EZH2: variants seen among roughly 807,000 people sequenced by gnomAD.
EZH2 encodes histone-lysine N-methyltransferase EZH2.
Under a neutral mutation model 98.4 loss-of-function variants are expected in EZH2, and 18 were observed. The observed-to-expected ratio is 0.18, with a 90% confidence interval of 0.13 to 0.27. The LOEUF is 0.27. EZH2 is among the 10% of genes least tolerant of loss of function. The pLI, the probability that EZH2 is intolerant of heterozygous loss-of-function variation, is 1.00. For synonymous variants in EZH2, 338 were observed against 312.3 expected, an observed-to-expected ratio of 1.08 and a Z score of -0.87; for missense variants, 470 against 935.1, an observed-to-expected ratio of 0.50 and a Z score of 6.49.
At chr7:148,881,043 A>G (rs999938188) in intron 1 of EZH2, among the ~76,000 whole-genome samples, 1 of 152,186 alleles carries the variant, frequency 6.6e-6, no homozygotes, top group Non-Finnish European at 1.5e-5. Flanking sequence ...AATTTAATGA[A>G]TTGCTGCTGT....
At chr7:148,859,259 A>C (rs922566357) in intron 1 of EZH2, among the ~76,000 whole-genome samples, 2 of 152,174 alleles carry the variant, frequency 1.3e-5, no homozygotes, top group Non-Finnish European at 2.9e-5. Context: ...TGATCCCAGC[A>C]CTTTGGGAGG....
rs1045672218 is a variant in EZH2 at position 148,832,511 on chromosome 7, T to C, written c.363+123A>G. 7 of 593,584 alleles carry C rather than the reference T, an allele frequency of 1.2e-5. No homozygotes were observed. In the African/African-American group the frequency reaches 1.3e-4, roughly 11 times the overall value. The allele number at this position is 593,584 out of a possible 1,614,324, so 36.8% of individuals were successfully genotyped here. A position where few individuals can be genotyped will look rare whatever the true frequency, so the allele number is the denominator to read the frequency against. ...ATCAATTTTTAAAAATTACTTCAAGTGTTATTTTGATAGCTTTTTAGAATT... is the reference window on the plus strand; with the variant it reads ...ATCAATTTTTAAAAATTACTTCAAGCGTTATTTTGATAGCTTTTTAGAATT... On this transcript the variant is annotated intron_variant, in intron 4 of 19. Coordinates refer to ENST00000320356, the MANE Select transcript of EZH2 (RefSeq NM_004456.5).
intron 1 of EZH2, among the ~76,000 whole-genome samples, chr7:148,849,546 C>T (rs1815128069): frequency 6.6e-6 from 1 of 152,122 alleles, no homozygotes; most frequent in Non-Finnish European, 1.5e-5. Flanking sequence ...TGAAAAGTTT[C>T]CAAGTGTGGC....
chr7:148,881,956 A>T (rs1821032768), intron 1 of EZH2, among the ~76,000 whole-genome samples: 1 of 80,708 alleles, frequency 1.2e-5, no homozygotes. Context: ...ACATATACAC[A>T]CACACACACG....
At chr7:148,844,417 G>A (rs61327560) in intron 3 of EZH2, among the ~76,000 whole-genome samples, 2,894 of 152,180 alleles carry the variant, frequency 0.019, 109 homozygotes, top group African/African-American at 0.066. Context: ...TTAAAAAGGC[G>A]GAAAGGGGAA....
At chr7:148,855,554 G>A (rs549870032) in intron 1 of EZH2, among the ~76,000 whole-genome samples, 12 of 152,140 alleles carry the variant, frequency 7.9e-5, no homozygotes, top group South Asian at 2.1e-4. Flanking sequence ...ATTTATTTAC[G>A]GTGCATAGAC....
chr7:148,809,676 AATC>A (rs945792449), intron 17 of EZH2, among the ~76,000 whole-genome samples: 25 of 152,188 alleles, frequency 1.6e-4, no homozygotes, highest in Non-Finnish European at 2.2e-4. Context: ...AAAAAAAAAA[AATC>A]TGACAAAATT....
intron 3 of EZH2, among the ~76,000 whole-genome samples, chr7:148,841,332 AT>A (rs1357497482): frequency 1.3e-5 from 2 of 152,142 alleles, no homozygotes; most frequent in African/African-American, 4.8e-5. Context: ...GGCTGCATGG[AT>A]TTACAAGTTA....
Position 148,882,087 on chromosome 7 carries a change from T to A in EZH2, c.-8+2077A>T, listed in dbSNP as rs534982703. 7.9e-5 allele frequency among the ~76,000 whole-genome samples: 12 copies of A among 152,296 alleles called. No individual in the cohort carries two copies. In the East Asian group the frequency reaches 2.3e-3, roughly 29 times the overall value. Reference sequence around the variant, plus strand: ...GGACAAGATTATTAATAGGATTTTTTAAATACAGAATTAATAGTAACTAAT... The same window carrying A: ...GGACAAGATTATTAATAGGATTTTTAAAATACAGAATTAATAGTAACTAAT... On this transcript the variant is annotated intron_variant, in intron 1 of 19. Transcript: ENST00000320356.
intron 1 of EZH2, among the ~76,000 whole-genome samples, chr7:148,848,371 T>G (rs1043847989): frequency 1.3e-5 from 2 of 151,630 alleles, no homozygotes; most frequent in African/African-American, 4.8e-5. Context: ...AATTCAAGAG[T>G]TGCTTAGGCC....
chr7:148,869,568 G>A (rs192982951), intron 1 of EZH2, among the ~76,000 whole-genome samples: 4 of 152,068 alleles, frequency 2.6e-5, no homozygotes, highest in African/African-American at 9.6e-5. Context: ...GAACTCCTGG[G>A]CTCAAGCAAT....
Position 148,807,504 on chromosome 7 carries a change from C to G in EZH2, c.*142G>C, listed in dbSNP as rs537734267. 142 of 690,010 alleles carry G rather than the reference C, an allele frequency of 2.1e-4. 1 individual carries two copies. The highest frequency in any genetic ancestry group is 8.6e-4 in the Admixed American group (33 of 38,564). The allele number at this position is 690,010 out of a possible 1,614,324, so 42.7% of individuals were successfully genotyped here. A position where few individuals can be genotyped will look rare whatever the true frequency, so the allele number is the denominator to read the frequency against. ...AGGCAATAAAAAGTTGATTTTTAAA[C>G]TCATTACTATAAATTATTCTTACAG... On this transcript the variant is annotated 3_prime_UTR_variant, in exon 20 of 20. Transcript: ENST00000320356.
Position 148,841,188 on chromosome 7 carries a change from T to C in EZH2, c.246+5282A>G, listed in dbSNP as rs1463704774. 1.3e-5 allele frequency among the ~76,000 whole-genome samples: 2 copies of C among 152,204 alleles called. 1 individual carries two copies. The highest frequency in any genetic ancestry group is 4.8e-5 in the African/African-American group (2 of 41,558). Reference sequence around the variant, plus strand: ...TCAAATATCACAAATGACCTTTTTTTTTTAAGCTAACCCTTTGGAAAAGCA... The same window carrying C: ...TCAAATATCACAAATGACCTTTTTTCTTTAAGCTAACCCTTTGGAAAAGCA... On this transcript the variant is annotated intron_variant, in intron 3 of 19. Coordinates refer to ENST00000320356, the MANE Select transcript of EZH2 (RefSeq NM_004456.5).
intron 4 of EZH2, among the ~76,000 whole-genome samples, chr7:148,830,391 G>C (rs1350764274): frequency 6.6e-6 from 1 of 151,914 alleles, no homozygotes; most frequent in Admixed American, 6.6e-5. Flanking sequence ...GGTGTATCAA[G>C]ATCAACTATA....
chr7:148,830,328 C>A (rs1376809330), intron 4 of EZH2, among the ~76,000 whole-genome samples: 1 of 152,118 alleles, frequency 6.6e-6, no homozygotes, highest in Non-Finnish European at 1.5e-5. Flanking sequence ...CCATGCCCAG[C>A]CATCATCAGT....
At chr7:148,833,120 T>C (rs75288315) in intron 3 of EZH2, among the ~76,000 whole-genome samples, 16,479 of 152,250 alleles carry the variant, frequency 0.11, 1,106 homozygotes, top group Non-Finnish European at 0.15. Flanking sequence ...CACAGAATAG[T>C]AATATGTATA....
chr7:148,854,802 G>A (rs990998596), intron 1 of EZH2, among the ~76,000 whole-genome samples: 1 of 152,170 alleles, frequency 6.6e-6, no homozygotes, highest in South Asian at 2.1e-4. Context: ...GCAGCTGTTA[G>A]TATCATTTGG....
intron 7 of EZH2, 64 bp downstream of exon 7, chr7:148,827,100 T>G: frequency 7.8e-7 from 1 of 1,289,166 alleles, no homozygotes. Flanking sequence ...CCATTTGTAA[T>G]AAACCAAAAT....
intron 14 of EZH2, 149 bp downstream of exon 14, chr7:148,814,765 G>A (rs1343060084): frequency 1.0e-6 from 1 of 965,180 alleles, no homozygotes; most frequent in Non-Finnish European, 1.5e-6. Flanking sequence ...ACAGGGCCAG[G>A]TATGGGGCTC....
Sources: gnomAD v4.1 joint callset for allele counts (sites outside exome capture counted in the v4.1 genomes callset) on GRCh38, gnomAD v4.1.1 for gene constraint, MANE v1.5 for transcripts, NCBI Gene and HGNC (gene_info 2026-07-23, HGNC 2026-07-21) for gene names.